The following HERC1 variants were observed in gnomAD, a reference collection of about 807,000 sequenced individuals.
HERC1 encodes the protein probable E3 ubiquitin-protein ligase HERC1.
HERC1 carries 160 observed loss-of-function variants against 554.3 expected under a neutral mutation model. The observed-to-expected ratio is 0.29, with a 90% CI of 0.25 to 0.33. HERC1 has a LOEUF of 0.33. Among genes scored for constraint, HERC1 ranks in the 10% least tolerant of loss-of-function variants. The pLI is 1.00. For synonymous variants in HERC1, 2,175 were observed against 2,131.7 expected, an observed-to-expected ratio of 1.02 and a Z score of -0.56; for missense variants, 4,919 against 5,918.5, an observed-to-expected ratio of 0.83 and a Z score of 5.54.
At chr15:63,643,106 A>G (rs760159671) in intron 58 of HERC1, 48 bp from the exon 59 acceptor site, 1 of 1,179,406 alleles carries the variant, frequency 8.5e-7, no homozygotes, top group East Asian at 2.4e-5. Flanking sequence ...CTGTAGGTAT[A>G]ATTTACATTT....
chr15:63,637,210 T>C, intron 64 of HERC1: 1 of 509,166 alleles, frequency 2.0e-6, no homozygotes, highest in Non-Finnish European at 3.8e-6. Flanking sequence ...GCTACTGCTA[T>C]TAACATCTGC....
chr15:63,801,193 G>C (rs917956135), intron 1 of HERC1, among the ~76,000 whole-genome samples: 1 of 152,092 alleles, frequency 6.6e-6, no homozygotes, highest in African/African-American at 2.4e-5. Flanking sequence ...TAATAAACCA[G>C]TCATTGTAAA....
chr15:63,763,531 G>C (rs2075677079), intron 3 of HERC1, among the ~76,000 whole-genome samples: 1 of 149,112 alleles, frequency 6.7e-6, no homozygotes, highest in Non-Finnish European at 1.5e-5. Flanking sequence ...TGAAGGAAAA[G>C]AAAAATGGAG....
At chr15:63,745,796 G>A (rs369417104) in intron 12 of HERC1, among the ~76,000 whole-genome samples, 11 of 152,284 alleles carry the variant, frequency 7.2e-5, no homozygotes, top group East Asian at 3.9e-4. Flanking sequence ...TTGGCAGGGG[G>A]AATGATCAGT....
chr15:63,616,650 T>C lies in HERC1; in HGVS notation c.13721A>G (p.Glu4574Gly). ...TAAAAACTTAAACTGCATTAAGTGTTCATCGAGGCAGGCAGAAGGGTTAAA... is the reference window on the plus strand; with the variant it reads ...TAAAAACTTAAACTGCATTAAGTGTCCATCGAGGCAGGCAGAAGGGTTAAA... ...FLFNPSACLD[E>G]HLMQFKFLGI... The change falls in exon 75 of 78, where the codon GAA becomes GGA. Residue 4574 changes from glutamate (E) to glycine (G), a missense_variant. By Grantham distance (98) the Glu-to-Gly change is moderately conservative (BLOSUM62 -2). Around this residue, in one of 11 missense-constraint regions of HERC1, gnomAD observed 284 missense variants for 294.1 expected, o/e 0.97. Transcript: ENST00000443617. 1 of 1,613,886 alleles carries C rather than the reference T, an allele frequency of 6.2e-7. No homozygotes were observed. The highest frequency in any genetic ancestry group is 1.1e-5 in the South Asian group (1 of 91,086).
At chr15:63,746,537 A>G (rs2075061297) in intron 12 of HERC1, among the ~76,000 whole-genome samples, 1 of 152,174 alleles carries the variant, frequency 6.6e-6, no homozygotes, top group African/African-American at 2.4e-5. Flanking sequence ...TTACAGTTCT[A>G]GTAGATGATC....
intron 1 of HERC1, among the ~76,000 whole-genome samples, chr15:63,797,187 G>C (rs962374695): frequency 4.6e-5 from 7 of 152,146 alleles, no homozygotes; most frequent in African/African-American, 1.4e-4. Flanking sequence ...CTAATGAAAG[G>C]CCACAAGGTT....
chr15:63,665,521 G>A (rs528098158), intron 42 of HERC1, among the ~76,000 whole-genome samples: 21 of 151,952 alleles, frequency 1.4e-4, no homozygotes, highest in Non-Finnish European at 2.4e-4. Context: ...GCGACAGAGC[G>A]AGACTCCGTC....
chr15:63,771,765 C>T (rs2075964088), intron 2 of HERC1, among the ~76,000 whole-genome samples: 1 of 151,890 alleles, frequency 6.6e-6, no homozygotes. Context: ...ATCTCTGCCC[C>T]AATAAGGAGC....
intron 7 of HERC1, 69 bp from the exon 8 acceptor site, chr15:63,753,154 A>C: frequency 8.4e-7 from 1 of 1,193,382 alleles, no homozygotes. Flanking sequence ...ACACTACTAA[A>C]GTTGATAAGG....
chr15:63,774,643 A>G, intron 2 of HERC1, 51 bp downstream of exon 2: 1 of 1,380,958 alleles, frequency 7.2e-7, no homozygotes, highest in Non-Finnish European at 9.9e-7. Flanking sequence ...AACTGCATTG[A>G]CTTTTCCAAA....
At position 63,661,751 on chromosome 15, in the gene HERC1, A is replaced by G; in HGVS notation, c.9170+2T>C. On this transcript the variant is annotated splice_donor_variant, in intron 45 of 77. Coordinates refer to ENST00000443617, the MANE Select transcript of HERC1 (RefSeq NM_003922.4). LOFTEE classifies it high-confidence loss of function. Reference sequence around the variant, plus strand: ...CTGGATATCTACACAATTTCAAGGTACCTTTCAGAACTTGTTGACTTAGAT... The same window carrying G: ...CTGGATATCTACACAATTTCAAGGTGCCTTTCAGAACTTGTTGACTTAGAT... 6.2e-7 allele frequency: 1 copy of G among 1,613,718 alleles called. No homozygotes were observed. Among genetic ancestry groups the G allele is most frequent in the Non-Finnish European group, 8.5e-7 (1 of 1,179,640 alleles).
intron 60 of HERC1, among the ~76,000 whole-genome samples, 172 bp downstream of exon 60, chr15:63,641,298 T>C (rs2069048590): frequency 6.6e-6 from 1 of 152,224 alleles, no homozygotes; most frequent in African/African-American, 2.4e-5. Flanking sequence ...AGAATAGGCT[T>C]AGGGTTGCTG....
intron 2 of HERC1, 134 bp from the exon 3 acceptor site, chr15:63,764,325 T>C: frequency 1.6e-6 from 1 of 617,000 alleles, no homozygotes; most frequent in Non-Finnish European, 2.9e-6. Flanking sequence ...AACCAAATCC[T>C]AACATTAGGT....
chr15:63,684,704 CG>C (rs2071653482), intron 34 of HERC1, among the ~76,000 whole-genome samples: 1 of 151,344 alleles, frequency 6.6e-6, no homozygotes. Flanking sequence ...TACCTTCTAG[CG>C]GGGGAAAAAA....
chr15:63,727,440 A>G lies in HERC1; in HGVS notation c.3346+207T>C, dbSNP rs946364815. On this transcript the variant is annotated intron_variant, in intron 17 of 77. Transcript: ENST00000443617. The surrounding 1 kb of genome is among the most constrained non-coding windows in gnomAD (Gnocchi z 4.3). ...CCTCAAGGTCATCTTTCCAACTCCA[A>G]TGCTTTTCCTTTTATGCTCCAGCCC... 2.0e-5 allele frequency among the ~76,000 whole-genome samples: 3 copies of G among 152,190 alleles called. No individual in the cohort carries two copies. The highest frequency in any genetic ancestry group is 6.5e-5 in the Admixed American group (1 of 15,274).
rs555829441 is a variant in HERC1 at position 63,687,338 on chromosome 15, G to C, written c.6049-803C>G. Among the ~76,000 whole-genome samples the C allele has an allele frequency of 7.9e-5, 12 of 152,262 alleles. No homozygotes were observed. In the South Asian group the frequency reaches 2.5e-3, roughly 32 times the overall value. On this transcript the variant is annotated intron_variant, in intron 33 of 77. Coordinates refer to ENST00000443617, the MANE Select transcript of HERC1 (RefSeq NM_003922.4). The stretch of plus-strand genomic sequence containing the variant: ...GCGGATCACAAGGTCAGTAGTTTGA[G>C]ATCAGCCTGGCTAATATGGTGAAAC...
intron 1 of HERC1, among the ~76,000 whole-genome samples, chr15:63,794,042 C>T (rs2076734716): frequency 6.6e-6 from 1 of 152,206 alleles, no homozygotes; most frequent in Admixed American, 6.5e-5. Context: ...CACTGCTACA[C>T]TCCCATCAGC....
chr15:63,775,050 C>T lies in HERC1; in HGVS notation c.574G>A (p.Val192Ile). 6.2e-7 allele frequency: 1 copy of T among 1,613,988 alleles called. No individual in the cohort carries two copies. The highest frequency in any genetic ancestry group is 1.3e-5 in the African/African-American group (1 of 75,050). The stretch of plus-strand genomic sequence containing the variant: ...ACAACTTCAATTGCAGTATGAATGA[C>T]ATCGTTGCAAAGACTGAGACCAGGT... ...SGPGLSLCND[V>I]IHTAIEVVSS... Residue 192 changes from valine (V) to isoleucine (I), a missense_variant, in exon 2 of 78, where the codon GTC becomes ATC. Val to Ile is a conservative substitution (Grantham distance 29, BLOSUM62 3). Transcript: ENST00000443617. This position sits in a 1 kb window ranked among gnomAD's most constrained non-coding sequence, Gnocchi z 4.0.
Sources: gnomAD v4.1 joint callset for allele counts (sites outside exome capture counted in the v4.1 genomes callset) on GRCh38, gnomAD v4.1.1 for gene constraint, gnomAD v4.1.1 regional missense constraint, Gnocchi (gnomAD v3.1) non-coding constraint, MANE v1.5 for transcripts, NCBI Gene and HGNC (gene_info 2026-07-23, HGNC 2026-07-21) for gene names.